FGF12: variants seen among roughly 807,000 people sequenced by gnomAD.
FGF12 encodes the protein fibroblast growth factor 12B.
FGF12 carries 14 observed loss-of-function variants against 23.6 expected under a neutral mutation model. That is an observed-to-expected ratio of 0.59 (90% CI 0.39 to 0.93). FGF12 has a LOEUF of 0.93. Ranked by LOEUF, FGF12 falls within the 40% of genes least tolerant of loss-of-function variation. The probability of loss-of-function intolerance (pLI) is 0.00; values close to 1 mark genes in which losing one functional copy is unlikely to be tolerated. For missense variants in FGF12, 175 were observed against 217.8 expected (o/e 0.80, Z 1.24); for synonymous variants, 62 against 77.3 (o/e 0.80, Z 1.04).
intron 4 of FGF12, among the ~76,000 whole-genome samples, chr3:192,269,492 G>T (rs1165469058): frequency 6.6e-6 from 1 of 152,082 alleles, no homozygotes; most frequent in African/African-American, 2.4e-5. Context: ...CTGCAATCTT[G>T]CTCAGTTCCT....
intron 4 of FGF12, among the ~76,000 whole-genome samples, chr3:192,298,747 A>T (rs1031521316): frequency 6.7e-6 from 1 of 149,940 alleles, no homozygotes; most frequent in Admixed American, 6.7e-5. Flanking sequence ...TGTCTCAAAG[A>T]AAAAAAAAAG....
At chr3:192,209,413 C>T (rs1385141788) in intron 4 of FGF12, among the ~76,000 whole-genome samples, 1 of 152,172 alleles carries the variant, frequency 6.6e-6, no homozygotes, top group Admixed American at 6.5e-5. Flanking sequence ...TGTAGACATT[C>T]AGATCCCTTT....
chr3:192,325,139 C>T (rs767192140), intron 4 of FGF12, among the ~76,000 whole-genome samples: 2 of 152,034 alleles, frequency 1.3e-5, no homozygotes, highest in Non-Finnish European at 1.5e-5. Flanking sequence ...TGTTTGCAAG[C>T]GATAATTGCC....
intron 2 of FGF12, among the ~76,000 whole-genome samples, chr3:192,596,569 T>C (rs9856129): frequency 0.34 from 50,992 of 148,160 alleles, 8,780 homozygotes; most frequent in African/African-American, 0.41. Context: ...TTCCCTAGGA[T>C]ACAAAGCAAA....
intron 5 of FGF12, among the ~76,000 whole-genome samples, chr3:192,167,908 C>T (rs920695134): frequency 4.0e-5 from 6 of 150,058 alleles, no homozygotes; most frequent in African/African-American, 1.5e-4. Flanking sequence ...CTGGGATTAC[C>T]GGCACGTGCC....
At chr3:192,229,799 G>A (rs1357963587) in intron 4 of FGF12, among the ~76,000 whole-genome samples, 9 of 152,074 alleles carry the variant, frequency 5.9e-5, no homozygotes, top group African/African-American at 2.2e-4. Context: ...ATCTACTCAT[G>A]GAATCCGAAA....
intron 2 of FGF12, among the ~76,000 whole-genome samples, chr3:192,710,422 T>C (rs1186492473): frequency 6.6e-6 from 1 of 152,094 alleles, no homozygotes; most frequent in Non-Finnish European, 1.5e-5. Flanking sequence ...TCTTTAAAGA[T>C]GGAACAAAAG....
chr3:192,682,332 T>C (rs1717562124), intron 2 of FGF12, among the ~76,000 whole-genome samples: 3 of 152,140 alleles, frequency 2.0e-5, no homozygotes, highest in South Asian at 4.1e-4. Context: ...CATGTAAATT[T>C]TGCATGAAAA....
chr3:192,542,555 T>C (rs143370899), intron 2 of FGF12, among the ~76,000 whole-genome samples: 4 of 152,322 alleles, frequency 2.6e-5, no homozygotes, highest in African/African-American at 9.6e-5. Flanking sequence ...ATCTTGATGC[T>C]TGTGGATGTT....
chr3:192,579,290 T>C (rs2108612665), intron 2 of FGF12, among the ~76,000 whole-genome samples: 1 of 152,226 alleles, frequency 6.6e-6, no homozygotes, highest in Middle Eastern at 3.4e-3. Context: ...CAAGACTTGA[T>C]TACAGCACTA....
chr3:192,726,528 C>T (rs1263442686), intron 2 of FGF12, among the ~76,000 whole-genome samples: 1 of 152,146 alleles, frequency 6.6e-6, no homozygotes, highest in Non-Finnish European at 1.5e-5. Context: ...ATACATTATG[C>T]AGATTTGCTT....
intron 2 of FGF12, among the ~76,000 whole-genome samples, chr3:192,676,509 C>T (rs575041361): frequency 9.2e-5 from 14 of 152,282 alleles, no homozygotes; most frequent in East Asian, 7.7e-4. Context: ...TAATAATGTA[C>T]GCAAGTGAAT....
At chr3:192,554,389 T>G (rs1711667339) in intron 2 of FGF12, among the ~76,000 whole-genome samples, 2 of 152,088 alleles carry the variant, frequency 1.3e-5, no homozygotes, top group African/African-American at 4.8e-5. Context: ...AGGCACCTTG[T>G]GGCAGCTCCA....
chr3:192,590,917 C>A (rs1415865936), intron 2 of FGF12, among the ~76,000 whole-genome samples: 1 of 151,766 alleles, frequency 6.6e-6, no homozygotes, highest in East Asian at 1.9e-4. Flanking sequence ...TGTTCTGCTC[C>A]CCCTTGCTCA....
At chr3:192,542,669 C>A (rs1041603877) in intron 2 of FGF12, among the ~76,000 whole-genome samples, 1 of 151,880 alleles carries the variant, frequency 6.6e-6, no homozygotes, top group Admixed American at 6.6e-5. Flanking sequence ...CATTCAAAGG[C>A]ACTTGGGTGT....
chr3:192,475,752 G>A (rs764295481), intron 2 of FGF12, among the ~76,000 whole-genome samples: 1 of 152,154 alleles, frequency 6.6e-6, no homozygotes, highest in South Asian at 2.1e-4. Flanking sequence ...AGCTGTTCTC[G>A]TGATAGGGAA....
chr3:192,422,310 T>G (rs182683102), intron 2 of FGF12, among the ~76,000 whole-genome samples: 1 of 152,182 alleles, frequency 6.6e-6, no homozygotes, highest in Admixed American at 6.5e-5. Context: ...AAAATGAGAT[T>G]AACCAGATGA....
intron 2 of FGF12, among the ~76,000 whole-genome samples, chr3:192,548,559 T>C (rs1027147295): frequency 3.9e-5 from 6 of 152,170 alleles, no homozygotes; most frequent in Non-Finnish European, 1.5e-5. Flanking sequence ...CTATCACCTG[T>C]ATTTTCAGTG....
chr3:192,176,193 T>C (rs1182511825), intron 4 of FGF12, among the ~76,000 whole-genome samples: 1 of 152,228 alleles, frequency 6.6e-6, no homozygotes, highest in Non-Finnish European at 1.5e-5. Context: ...ATGCCCCCAC[T>C]TCCTAACCCT....
Sources: gnomAD v4.1 joint callset for allele counts (sites outside exome capture counted in the v4.1 genomes callset) on GRCh38, gnomAD v4.1.1 for gene constraint, MANE v1.5 for transcripts, NCBI Gene and HGNC (gene_info 2026-07-23, HGNC 2026-07-21) for gene names.